The following PACS1 variants were observed in gnomAD, a reference collection of about 807,000 sequenced individuals.
PACS1 encodes the protein PACS-1.
Under a neutral mutation model 115.0 loss-of-function variants are expected in PACS1, and 24 were observed. That is an observed-to-expected ratio of 0.21 (90% CI 0.15 to 0.29). The LOEUF (loss-of-function observed/expected upper bound fraction) is 0.29. PACS1 is among the 10% of genes least tolerant of loss of function. The pLI is 1.00. For synonymous variants in PACS1, 453 were observed against 504.5 expected, an observed-to-expected ratio of 0.90 and a Z score of 1.37; for missense variants, 838 against 1,251.2, an observed-to-expected ratio of 0.67 and a Z score of 4.98.
intron 1 of PACS1, among the ~76,000 whole-genome samples, chr11:66,135,790 G>A (rs796256988): frequency 1.1e-4 from 16 of 152,024 alleles, no homozygotes; most frequent in African/African-American, 3.9e-4. Flanking sequence ...CCGAGTAGCT[G>A]GGATTACAGG....
intron 4 of PACS1, among the ~76,000 whole-genome samples, chr11:66,212,501 G>T (rs1855099731): frequency 6.6e-6 from 1 of 151,036 alleles, no homozygotes; most frequent in Non-Finnish European, 1.5e-5. Context: ...AAACTCCCAG[G>T]CTCAAGCAAT....
rs1189213687 is a variant in PACS1, at chr11:66,236,707, T to C, written c.2250+767T>C. Among the ~76,000 whole-genome samples the C allele has an allele frequency of 1.3e-5, 2 of 152,150 alleles. No individual in the cohort carries two copies. Among genetic ancestry groups the C allele is most frequent in the Non-Finnish European group, 2.9e-5 (2 of 68,026 alleles). ...ACCGGAGCAGGACTGAAAACTCCGA[T>C]TTCCACTTAAAAGAGCTTTACATTT... On this transcript the variant is annotated intron_variant, in intron 19 of 23. Transcript: ENST00000320580. This position sits in a 1 kb window ranked among gnomAD's most constrained non-coding sequence, Gnocchi z 4.2.
At chr11:66,181,521 T>C (rs1860011653) in intron 1 of PACS1, among the ~76,000 whole-genome samples, 1 of 152,130 alleles carries the variant, frequency 6.6e-6, no homozygotes, top group Non-Finnish European at 1.5e-5. Context: ...GCCCTATTGC[T>C]CTTTTAAAAT....
At chr11:66,186,636 G>A (rs756829948) in intron 1 of PACS1, among the ~76,000 whole-genome samples, 29 of 152,214 alleles carry the variant, frequency 1.9e-4, no homozygotes, top group African/African-American at 7.0e-4. Context: ...TTTGTTTACT[G>A]ATGTATCACA....
chr11:66,235,870 TA>T lies in PACS1; in HGVS notation c.2208-27del, dbSNP rs752877604. 6.2e-7 allele frequency: 1 copy of T among 1,603,704 alleles called. No homozygotes were observed. The highest frequency in any genetic ancestry group is 1.7e-5 in the Admixed American group (1 of 60,000). On this transcript the variant is annotated intron_variant, in intron 18 of 23. Transcript: ENST00000320580. This position sits in a 1 kb window ranked among gnomAD's most constrained non-coding sequence, Gnocchi z 5.6. ...ACTCCTCCCTGTCTCTCCTACTAAC[TA>T]TGAAGCTCTCCTGTGTCTCCCAACA...
At chr11:66,226,310 G>C (rs1855469493) in intron 10 of PACS1, among the ~76,000 whole-genome samples, 1 of 152,264 alleles carries the variant, frequency 6.6e-6, no homozygotes, top group South Asian at 2.1e-4. Context: ...TGGGGTCCCA[G>C]AGTCTGGCTC....
chr11:66,181,717 T>C (rs957003216), intron 1 of PACS1, among the ~76,000 whole-genome samples: 28 of 152,224 alleles, frequency 1.8e-4, no homozygotes, highest in African/African-American at 6.8e-4. Context: ...TAGTTTTGGC[T>C]GGAACCTGGA....
intron 1 of PACS1, among the ~76,000 whole-genome samples, chr11:66,141,304 T>C (rs559827641): frequency 1.2e-4 from 19 of 152,290 alleles, no homozygotes; most frequent in Admixed American, 3.9e-4. Flanking sequence ...TCCTTTTTTT[T>C]CCCCAGAGAC....
rs994844955 is a variant in PACS1 at position 66,166,301 on chromosome 11, C to T, written c.357-27185C>T. Among the ~76,000 whole-genome samples, 4 of 152,264 alleles carry T rather than the reference C, an allele frequency of 2.6e-5. No homozygotes were observed. In the East Asian group the frequency reaches 7.7e-4, roughly 29 times the overall value. Reference sequence around the variant, plus strand: ...TAGCTGGGACTACAGGTGCCCGCCACTACACCCAGCTAATTTTTGTATTTT... The same window carrying T: ...TAGCTGGGACTACAGGTGCCCGCCATTACACCCAGCTAATTTTTGTATTTT... On this transcript the variant is annotated intron_variant, in intron 1 of 23. Transcript: ENST00000320580.
In PACS1 at chr11:66,243,883, C is replaced by A. The variant is rs1280316407; in HGVS notation, c.*603C>A. On this transcript the variant is annotated 3_prime_UTR_variant, in exon 24 of 24. Coordinates refer to ENST00000320580, the MANE Select transcript of PACS1 (RefSeq NM_018026.4). ...AGCTCACAGGGGCAGGAGGCAGCTC[C>A]CCTGCCTCCAGGACCCTGTTGCTAT... 6.6e-6 allele frequency: 1 copy of A among 152,612 alleles called. No homozygotes were observed. Among genetic ancestry groups the A allele is most frequent in the African/African-American group, 2.4e-5 (1 of 41,464 alleles). 9.5% of individuals were successfully genotyped at this position (152,612 alleles called of 1,614,324 possible).
intron 1 of PACS1, among the ~76,000 whole-genome samples, chr11:66,117,676 A>G (rs1312107214): frequency 6.6e-6 from 1 of 151,234 alleles, no homozygotes; most frequent in Admixed American, 6.6e-5. Context: ...GAGAAACCCC[A>G]TCTCTACTAA....
intron 8 of PACS1, among the ~76,000 whole-genome samples, chr11:66,220,091 T>A (rs1341247903): frequency 1.3e-5 from 2 of 152,138 alleles, no homozygotes; most frequent in Admixed American, 6.5e-5. Flanking sequence ...ACCCAGCGGA[T>A]GCTGCTGCGG....
intron 2 of PACS1, among the ~76,000 whole-genome samples, chr11:66,193,940 G>A (rs1046679661): frequency 2.0e-5 from 3 of 152,092 alleles, no homozygotes; most frequent in Non-Finnish European, 2.9e-5. Flanking sequence ...GTAGATGCAC[G>A]GGTATGGGAA....
At chr11:66,217,889 G>T (rs1014273664) in intron 7 of PACS1, 1 of 265,514 alleles carries the variant, frequency 3.8e-6, no homozygotes. Context: ...CCCAACGGGT[G>T]CCCCCAGAGC....
chr11:66,184,447 A>G (rs960774450), intron 1 of PACS1, among the ~76,000 whole-genome samples: 3 of 151,972 alleles, frequency 2.0e-5, no homozygotes, highest in Non-Finnish European at 4.4e-5. Context: ...GATCATTTGT[A>G]GAAATTATTC....
intron 1 of PACS1, among the ~76,000 whole-genome samples, chr11:66,191,907 C>T (rs1408907817): frequency 1.3e-5 from 2 of 152,132 alleles, no homozygotes; most frequent in Middle Eastern, 3.4e-3. Context: ...CCTGTAATCC[C>T]AGCTACCCAG....
intron 1 of PACS1, among the ~76,000 whole-genome samples, chr11:66,181,608 G>T (rs961302236): frequency 1.8e-4 from 28 of 152,128 alleles, no homozygotes; most frequent in African/African-American, 6.8e-4. Flanking sequence ...GTTCTTTTGA[G>T]CTTATTAATG....
chr11:66,098,832 G>A (rs1857844990), intron 1 of PACS1, among the ~76,000 whole-genome samples: 1 of 152,062 alleles, frequency 6.6e-6, no homozygotes, highest in African/African-American at 2.4e-5. Context: ...ATTTCCTTAT[G>A]ACCAAATTCA....
intron 1 of PACS1, among the ~76,000 whole-genome samples, chr11:66,089,776 G>A (rs965439881): frequency 6.6e-6 from 1 of 151,992 alleles, no homozygotes; most frequent in Admixed American, 6.6e-5. Flanking sequence ...GGATGCCAAG[G>A]TGGGCAGATC....
Sources: allele counts gnomAD v4.1 joint callset (sites outside exome capture counted in the v4.1 genomes callset), GRCh38; gene constraint gnomAD v4.1.1; non-coding constraint Gnocchi (gnomAD v3.1); transcripts MANE v1.5; gene names NCBI Gene and HGNC (gene_info 2026-07-23, HGNC 2026-07-21).